The following ADGRF1 variants were observed in gnomAD, a reference collection of about 807,000 sequenced individuals.
The protein encoded by ADGRF1 is adhesion G protein-coupled receptor F1.
ADGRF1 carries 85 observed loss-of-function variants against 87.2 expected under a neutral mutation model. The observed-to-expected ratio is 0.97, with a 90% CI of 0.82 to 1.17. ADGRF1 has a LOEUF of 1.17. Among genes scored for constraint, ADGRF1 ranks in the 50% most tolerant of loss-of-function variants. The probability of loss-of-function intolerance (pLI) is 0.00; values close to 1 mark genes in which losing one functional copy is unlikely to be tolerated. For missense variants in ADGRF1, 1,169 were observed against 1,077.2 expected, an observed-to-expected ratio of 1.09 and a Z score of -1.19; for synonymous variants, 430 against 408.8, an observed-to-expected ratio of 1.05 and a Z score of -0.63.
chr6:47,009,428 G>A lies in ADGRF1; in HGVS notation c.2007C>T (p.Leu669=). 6.2e-7 allele frequency: 1 copy of A among 1,613,942 alleles called. No individual in the cohort carries two copies. The highest frequency in any genetic ancestry group is 8.5e-7 in the Non-Finnish European group (1 of 1,179,952). The change falls in exon 11 of 15, where the codon CTC becomes CTT. Residue 669 remains leucine (L), a synonymous_variant. Transcript: ENST00000371253. ...AAVFFTHFFY[L]SLFFWMLMLG... is the part of the protein sequence containing the mutation. Reference sequence around the variant, plus strand: ...GCATGAGCATCCAGAAGAACAAAGAGAGGTAGAAGAAGTGTGTAAAGAACA... The same window carrying A: ...GCATGAGCATCCAGAAGAACAAAGAAAGGTAGAAGAAGTGTGTAAAGAACA...
Position 47,010,050 on chromosome 6 carries a change from C to T in ADGRF1, c.1385G>A (p.Gly462Asp), listed in dbSNP as rs45461593. Residue 462 changes from glycine (G) to aspartate (D), a missense_variant, in exon 11 of 15, where the codon GGC (glycine) becomes GAC (aspartate). Physicochemically the swap from Gly to Asp is moderately conservative, Grantham distance 94 (BLOSUM62 -1). Coordinates refer to ENST00000371253, the MANE Select transcript of ADGRF1 (RefSeq NM_153840.4). ...CPQNTSIPIR[G>D]RVLIGSDQFQ... ...TTGGTCTGACCCAATTAACACACGGCCTCTGATGGGAATAGATGTATTTTG... is the reference window on the plus strand; with the variant it reads ...TTGGTCTGACCCAATTAACACACGGTCTCTGATGGGAATAGATGTATTTTG... The T allele has an allele frequency of 1.1e-5, 17 of 1,614,066 alleles. No homozygotes were observed. The South Asian group carries it at 1.6e-4, about 16-fold the overall frequency.
chr6:47,035,678 G>C (rs1780567492), intron 1 of ADGRF1, among the ~76,000 whole-genome samples: 1 of 152,160 alleles, frequency 6.6e-6, no homozygotes, highest in African/African-American at 2.4e-5. Context: ...GAGCCGGTTA[G>C]TTTTTGTTGC....
rs568166912 is a variant in ADGRF1 at position 47,012,756 on chromosome 6, T to C, written c.928-561A>G. 6.1e-6 allele frequency: 6 copies of C among 985,404 alleles called. No individual in the cohort carries two copies. The African/African-American group carries it at 8.7e-5, about 14-fold the overall frequency. The allele number at this position is 985,404 out of a possible 1,614,324, so 61.0% of individuals were successfully genotyped here. On this transcript the variant is annotated intron_variant, in intron 9 of 14. Coordinates refer to ENST00000371253, the MANE Select transcript of ADGRF1 (RefSeq NM_153840.4). ...TACTGGGCTTGTGCCAGCCCCCGTT[T>C]TGTCACAAGATTTGTTTTTTTTATT...
In ADGRF1 at chr6:47,004,154, C is replaced by G. The variant is rs3816858; in HGVS notation, c.2592+1663G>C. Among the ~76,000 whole-genome samples the G allele has an allele frequency of 9.9e-5, 15 of 152,230 alleles. No individual in the cohort carries two copies. In the East Asian group the frequency reaches 2.9e-3, roughly 29 times the overall value. On this transcript the variant is annotated intron_variant, in intron 13 of 14. Transcript: ENST00000371253. The stretch of plus-strand genomic sequence containing the variant: ...TGTCACTGCTGTGCTGGGTCCACGT[C>G]TGGTTACCAATCTCGCTGATTTTGC...
rs1208051989 is a variant in ADGRF1 at position 47,005,751 on chromosome 6, G to A, written c.2592+66C>T. 4.3e-6 allele frequency: 5 copies of A among 1,173,642 alleles called. No homozygotes were observed. The Admixed American group carries it at 7.5e-5, about 18-fold the overall frequency. The allele number at this position is 1,173,642 out of a possible 1,614,324, so 72.7% of individuals were successfully genotyped here. On this transcript the variant is annotated intron_variant, in intron 13 of 14. Transcript: ENST00000371253. The stretch of plus-strand genomic sequence containing the variant: ...ACAGAAGTTGGCTTGCAGCAAGACT[G>A]TATAAAGAGAAGAATGCAAAACTGG...
chr6:47,020,508 A>G (rs1261044252), intron 7 of ADGRF1: 1 of 1,519,054 alleles, frequency 6.6e-7, no homozygotes, highest in Non-Finnish European at 8.8e-7. Flanking sequence ...CTGTCAAAAA[A>G]AAAAAAAAAT....
intron 13 of ADGRF1, among the ~76,000 whole-genome samples, chr6:47,005,403 G>T (rs1220997524): frequency 6.6e-6 from 1 of 152,004 alleles, no homozygotes; most frequent in Non-Finnish European, 1.5e-5. Flanking sequence ...TTAAAGACAA[G>T]AATTTAACCA....
chr6:47,027,829 G>T, intron 2 of ADGRF1, 68 bp from the exon 3 acceptor site: 1 of 918,338 alleles, frequency 1.1e-6, no homozygotes, highest in Admixed American at 1.9e-5. Flanking sequence ...GCCTTGCTGA[G>T]TTTCCCAGAT....
At chr6:47,030,311 C>T (rs1355563255) in intron 1 of ADGRF1, among the ~76,000 whole-genome samples, 1 of 152,254 alleles carries the variant, frequency 6.6e-6, no homozygotes, top group African/African-American at 2.4e-5. Context: ...CTTTTCCTTT[C>T]GGATGAATGG....
Position 47,027,710 on chromosome 6 carries a change from GT to G in ADGRF1, c.120del (p.Lys40AsnfsTer3). On this transcript the variant is annotated frameshift_variant, in exon 3 of 15. Coordinates refer to ENST00000371253, the MANE Select transcript of ADGRF1 (RefSeq NM_153840.4). LOFTEE classifies it high-confidence loss of function. The part of the protein sequence containing the change: ...TKKELIVNKK[K>X]HLGPVEEYQL... Reference sequence around the variant, plus strand: ...CTGTCTAACAGAGCCTCACCTAGATGTTTTTTCTTATTCACAATGAGTTCTT... The same window carrying G: ...CTGTCTAACAGAGCCTCACCTAGATGTTTTTCTTATTCACAATGAGTTCTT... 7 of 1,604,394 alleles carry G rather than the reference GT, an allele frequency of 4.4e-6. No individual in the cohort carries two copies. Among genetic ancestry groups the G allele is most frequent in the Non-Finnish European group, 6.0e-6 (7 of 1,171,728 alleles).
In ADGRF1 at chr6:47,016,623, C is replaced by T. The variant is rs898889480; in HGVS notation, c.757G>A (p.Gly253Arg). 6.2e-6 allele frequency: 10 copies of T among 1,601,288 alleles called. No individual in the cohort carries two copies. Among genetic ancestry groups the T allele is most frequent in the South Asian group, 2.2e-5 (2 of 89,712 alleles). Residue 253 changes from glycine to arginine, a missense_variant, in exon 8 of 15, where the codon GGA (glycine) becomes AGA (arginine). Physicochemically the swap from Gly to Arg is moderately radical, Grantham distance 125 (BLOSUM62 -2). Transcript: ENST00000371253. ...PLEDGSFRVF[G>R]KAQCNDIVFG... Reference sequence around the variant, plus strand: ...GATGGGAATCCAGCATTACCTTTTCCGAACACTCTGAAAGAGCCGTCTTCT... The same window carrying T: ...GATGGGAATCCAGCATTACCTTTTCTGAACACTCTGAAAGAGCCGTCTTCT...
intron 11 of ADGRF1, among the ~76,000 whole-genome samples, chr6:47,008,145 A>T (rs760803415): frequency 1.1e-4 from 16 of 152,198 alleles, no homozygotes; most frequent in Non-Finnish European, 1.2e-4. Context: ...TTGTAAAGTG[A>T]TGTATTTGAG....
intron 1 of ADGRF1, 132 bp downstream of exon 1, chr6:47,042,059 C>T (rs964200651): frequency 4.6e-5 from 7 of 152,046 alleles, no homozygotes; most frequent in Non-Finnish European, 7.4e-5. Flanking sequence ...CTTATTTAAC[C>T]ATCTTCAGGA....
chr6:47,039,474 A>G (rs374523078), intron 1 of ADGRF1, among the ~76,000 whole-genome samples: 8 of 152,296 alleles, frequency 5.3e-5, no homozygotes, highest in South Asian at 2.1e-4. Context: ...AGGAGCCTCT[A>G]TGAGATTATC....
intron 1 of ADGRF1, among the ~76,000 whole-genome samples, chr6:47,029,399 G>A (rs1238249295): frequency 6.6e-6 from 1 of 151,666 alleles, no homozygotes; most frequent in Non-Finnish European, 1.5e-5. Context: ...ATTGCAATTA[G>A]GTGCATTTAA....
At chr6:47,039,867 C>T (rs1286309924) in intron 1 of ADGRF1, among the ~76,000 whole-genome samples, 1 of 152,078 alleles carries the variant, frequency 6.6e-6, no homozygotes, top group Non-Finnish European at 1.5e-5. Flanking sequence ...GAGGCTGAGA[C>T]AGGAGAATTG....
In ADGRF1 at chr6:47,040,466, C is replaced by T. The variant is rs553939797; in HGVS notation, c.-44+1725G>A. ...CAGCCTGGGCGACAGAGTGAGACTC[C>T]GTCTCAAAAAATAAAATAAAATAAA... On this transcript the variant is annotated intron_variant, in intron 1 of 14. Coordinates refer to ENST00000371253, the MANE Select transcript of ADGRF1 (RefSeq NM_153840.4). Among the ~76,000 whole-genome samples the T allele has an allele frequency of 1.9e-4, 29 of 149,612 alleles. 1 individual carries two copies. The South Asian group carries it at 4.8e-3, about 25-fold the overall frequency.
At position 47,009,895 on chromosome 6, in the gene ADGRF1, A is replaced by G. The variant is rs1561867616; in HGVS notation, c.1540T>C (p.Ser514Pro). The G allele has an allele frequency of 6.2e-7, 1 of 1,614,064 alleles. No homozygotes were observed. The highest frequency in any genetic ancestry group is 8.5e-7 in the Non-Finnish European group (1 of 1,179,956). ...PVISTVIQNY[S>P]INEVFLFFSK... ...AAAAATAGGAAAACTTCATTTATGG[A>G]ATAGTTTTGAATAACCGTGGATATC... The change falls in exon 11 of 15, where the codon TCC (serine) becomes CCC (proline). Residue 514 changes from serine (S) to proline (P), a missense_variant. Ser to Pro is a moderately conservative substitution (Grantham distance 74). Coordinates refer to ENST00000371253, the MANE Select transcript of ADGRF1 (RefSeq NM_153840.4).
chr6:47,028,540 G>A lies in ADGRF1; in HGVS notation c.69+453C>T, dbSNP rs117040509. Among the ~76,000 whole-genome samples the A allele has an allele frequency of 2.3e-4, 35 of 152,316 alleles. No individual in the cohort carries two copies. The East Asian group carries it at 6.8e-3, about 29-fold the overall frequency. On this transcript the variant is annotated intron_variant, in intron 2 of 14. Transcript: ENST00000371253. ...CGTAGGTAATGGATATGTGAGTGTG[G>A]ACAGGGGAGAGGTCTGAGATGGAGC...
Sources: gnomAD v4.1 joint callset for allele counts (sites outside exome capture counted in the v4.1 genomes callset) on GRCh38, gnomAD v4.1.1 for gene constraint, MANE v1.5 for transcripts, NCBI Gene and HGNC (gene_info 2026-07-23, HGNC 2026-07-21) for gene names.